The following TCTN3 variants were observed in gnomAD, a reference collection of about 807,000 sequenced individuals.
TCTN3 encodes the protein tectonic family member 3, also known as tectonic-3.
In TCTN3, 57 loss-of-function variants were observed where a neutral mutation model predicts 71.3. The ratio of observed to expected loss-of-function variants is 0.80; its 90% CI spans 0.65 to 1.00. The LOEUF is 1.00. TCTN3 is among the 50% of genes least tolerant of loss of function. The pLI, the probability that TCTN3 is intolerant of heterozygous loss-of-function variation, is 0.00. For synonymous variants in TCTN3, 258 were observed against 267.8 expected (o/e 0.96, Z 0.36); for missense variants, 696 against 719.9 (o/e 0.97, Z 0.38).
chr10:95,678,180 A>G (rs2097939268), intron 13 of TCTN3, among the ~76,000 whole-genome samples: 1 of 152,164 alleles, frequency 6.6e-6, no homozygotes, highest in Non-Finnish European at 1.5e-5. Context: ...TTATTTTAAA[A>G]GCTTTGGAAG....
rs41317252 is a variant in TCTN3, at chr10:95,686,392, C to T, written c.888+103G>A. The T allele has an allele frequency of 6.4e-3, 7,883 of 1,234,454 alleles. 58 individuals carry two copies. The highest frequency in any genetic ancestry group is 0.015 in the South Asian group (1,224 of 82,034). 76.5% of individuals were successfully genotyped at this position (1,234,454 alleles called of 1,614,324 possible). A position where few individuals can be genotyped will look rare whatever the true frequency, so the allele number is the denominator to read the frequency against. On this transcript the variant is annotated intron_variant, in intron 7 of 13. Coordinates refer to ENST00000371217, the MANE Select transcript of TCTN3 (RefSeq NM_015631.6). ...CCCTACTTAATTGTTTGCTACATCA[C>T]GCTTACATTTATCTTTCAACAGTAC... is the stretch of plus-strand genomic sequence containing the variant.
At position 95,687,858 on chromosome 10, in the gene TCTN3, T is replaced by C. The variant is rs192928225; in HGVS notation, c.500-139A>G. ...TAAACTCAAAGAATTTTTACAAATT[T>C]ATATACTTGTATTACCACTATCCAG... On this transcript the variant is annotated intron_variant, in intron 3 of 13. Coordinates refer to ENST00000371217, the MANE Select transcript of TCTN3 (RefSeq NM_015631.6). 9.5e-5 allele frequency: 90 copies of C among 949,364 alleles called. No homozygotes were observed. In the African/African-American group the frequency reaches 1.4e-3, roughly 15 times the overall value. 58.8% of individuals were successfully genotyped at this position (949,364 alleles called of 1,614,324 possible).
chr10:95,693,707 T>TAGGG lies in TCTN3; in HGVS notation c.189_192dup (p.Thr65ProfsTer16). On this transcript the variant is annotated frameshift_variant, in exon 1 of 14. Transcript: ENST00000371217. LOFTEE classifies it high-confidence loss of function. ...GGAGTCACGAGAGTAGGGACCACTG[T>TAGGG]AGGGAGTCCAGGCACGGCCGGGCGA... 1 of 1,551,572 alleles carries TAGGG rather than the reference T, an allele frequency of 6.4e-7. No homozygotes were observed. The highest frequency in any genetic ancestry group is 8.7e-7 in the Non-Finnish European group (1 of 1,146,966).
chr10:95,683,865 G>T (rs1351010559), intron 9 of TCTN3, among the ~76,000 whole-genome samples: 3 of 151,900 alleles, frequency 2.0e-5, no homozygotes, highest in Non-Finnish European at 4.4e-5. Flanking sequence ...TTTTACCAAG[G>T]ATTACAACCA....
At chr10:95,687,445 G>A (rs2097949479) in intron 4 of TCTN3, 90 bp from the exon 5 acceptor site, 2 of 1,507,174 alleles carry the variant, frequency 1.3e-6, no homozygotes, top group African/African-American at 2.8e-5. Flanking sequence ...TTAACTCAAG[G>A]GCATGATTAC....
chr10:95,676,254 CTTT>C (rs199882523), intron 13 of TCTN3, among the ~76,000 whole-genome samples: 6 of 136,266 alleles, frequency 4.4e-5, no homozygotes, highest in Non-Finnish European at 3.2e-5. Flanking sequence ...TAGAAAATAT[CTTT>C]TTTTTTTTTT....
At chr10:95,683,992 A>G (rs2097945819) in intron 9 of TCTN3, among the ~76,000 whole-genome samples, 1 of 152,194 alleles carries the variant, frequency 6.6e-6, no homozygotes, top group Non-Finnish European at 1.5e-5. Context: ...TTAACTACAG[A>G]TGTTCCAGAG....
intron 3 of TCTN3, among the ~76,000 whole-genome samples, chr10:95,688,388 C>CAAAAAAAAAAAAAAA (rs1491223727): frequency 2.3e-5 from 1 of 43,792 alleles, no homozygotes; most frequent in Non-Finnish European, 4.0e-5. Context: ...GAAACTCTGT[C>CAAAAAAAAAAAAAAA]AAAAAAAAGA....
At chr10:95,671,665 A>T (rs924984026) in intron 13 of TCTN3, among the ~76,000 whole-genome samples, 3 of 152,254 alleles carry the variant, frequency 2.0e-5, no homozygotes, top group Non-Finnish European at 4.4e-5. Flanking sequence ...CTAACTCATT[A>T]ATGAGCTGTA....
rs542835625 is a variant in TCTN3 at position 95,663,743 on chromosome 10, G to A, written c.*324C>T. ...GGCCCAACTGTGCCTGAGGGCTGAT[G>A]GATCCAGACCTTGTAAACATTCAGC... On this transcript the variant is annotated 3_prime_UTR_variant, in exon 14 of 14. Transcript: ENST00000371217. The A allele has an allele frequency of 4.1e-6, 1 of 241,318 alleles. No homozygotes were observed. Among genetic ancestry groups the A allele is most frequent in the South Asian group, 6.8e-5 (1 of 14,630 alleles). 14.9% of individuals were successfully genotyped at this position (241,318 alleles called of 1,614,324 possible).
chr10:95,671,841 C>T (rs2097931752), intron 13 of TCTN3, among the ~76,000 whole-genome samples: 1 of 152,152 alleles, frequency 6.6e-6, no homozygotes, highest in Admixed American at 6.5e-5. Flanking sequence ...GGTGATCCGC[C>T]CGCCTTGGTC....
chr10:95,682,681 G>C lies in TCTN3; in HGVS notation c.1422C>G (p.Thr474=). ...NADPAQKGGW[T]RILNRHCSIS... ...TGCTGCAGTGCCTGTTGAGGATCCT[G>C]GTCCACCCTCCTTTCTGGGCTGGGT... is the stretch of plus-strand genomic sequence containing the variant. Residue 474 remains threonine, a synonymous_variant, in exon 12 of 14, where the codon ACC becomes ACG. Transcript: ENST00000371217. The C allele has an allele frequency of 6.2e-7, 1 of 1,614,016 alleles. No homozygotes were observed. Among genetic ancestry groups the C allele is most frequent in the Non-Finnish European group, 8.5e-7 (1 of 1,179,972 alleles).
intron 2 of TCTN3, 140 bp downstream of exon 2, chr10:95,693,213 A>C: frequency 1.4e-6 from 2 of 1,399,116 alleles, no homozygotes; most frequent in Non-Finnish European, 1.9e-6. Context: ...AGAAAAGGCA[A>C]TTCCTAGGAA....
Position 95,685,725 on chromosome 10 carries a change from T to G in TCTN3, c.889-89A>C, listed in dbSNP as rs76743184. 7.8e-4 allele frequency: 833 copies of G among 1,070,840 alleles called. 3 individuals carry two copies. The African/African-American group carries it at 0.012, about 16-fold the overall frequency. 66.3% of individuals were successfully genotyped at this position (1,070,840 alleles called of 1,614,324 possible). A position where few individuals can be genotyped will look rare whatever the true frequency, so the allele number is the denominator to read the frequency against. On this transcript the variant is annotated intron_variant, in intron 7 of 13. Transcript: ENST00000371217. ...TAGATATCATGCTAAGATGAGTATT[T>G]TTCCTTCCCCTTGACCACCCTCTCT...
intron 13 of TCTN3, among the ~76,000 whole-genome samples, chr10:95,671,342 T>C (rs1050064309): frequency 1.3e-5 from 2 of 152,238 alleles, no homozygotes; most frequent in Non-Finnish European, 2.9e-5. Flanking sequence ...TTTAACACTT[T>C]GTAAAGTTTG....
At chr10:95,669,118 A>G (rs548876536) in intron 13 of TCTN3, among the ~76,000 whole-genome samples, 2 of 152,358 alleles carry the variant, frequency 1.3e-5, no homozygotes, top group African/African-American at 4.8e-5. Context: ...ATGCAAATAC[A>G]CTGGCAGAGT....
At chr10:95,680,396 T>A (rs1036400397) in intron 13 of TCTN3, 76 bp downstream of exon 13, 1 of 1,494,626 alleles carries the variant, frequency 6.7e-7, no homozygotes, top group African/African-American at 1.4e-5. Flanking sequence ...GGTAAAAAAT[T>A]ATTTGGTTAA....
chr10:95,684,541 C>T lies in TCTN3; in HGVS notation c.1053G>A (p.Glu351=), dbSNP rs1566073093. The part of the protein sequence containing the change: ...VSLGQTNLTV[E]PGASLQQHFI... ...AGTGTTGCTGTAAGGAAGCGCCTGG[C>T]TCAACAGTCAGGTTGGTTTGTCCCA... Residue 351 remains glutamate, a synonymous_variant, in exon 9 of 14, where the codon GAG becomes GAA. Coordinates refer to ENST00000371217, the MANE Select transcript of TCTN3 (RefSeq NM_015631.6). 6.2e-7 allele frequency: 1 copy of T among 1,614,084 alleles called. No individual in the cohort carries two copies. Among genetic ancestry groups the T allele is most frequent in the Non-Finnish European group, 8.5e-7 (1 of 1,179,946 alleles).
intron 13 of TCTN3, among the ~76,000 whole-genome samples, chr10:95,667,546 A>G (rs900738053): frequency 2.6e-5 from 4 of 152,200 alleles, no homozygotes; most frequent in African/African-American, 9.6e-5. Context: ...ATATCCCTTC[A>G]ATGCAATCAG....
Sources: allele counts gnomAD v4.1 joint callset (sites outside exome capture counted in the v4.1 genomes callset), GRCh38; gene constraint gnomAD v4.1.1; transcripts MANE v1.5; gene names NCBI Gene and HGNC (gene_info 2026-07-23, HGNC 2026-07-21).